PDZD7: variants seen among roughly 807,000 people sequenced by gnomAD.
PDZD7 encodes the protein PDZ domain containing 7, also known as PDZ domain-containing protein 7.
Under a neutral mutation model 84.7 loss-of-function variants are expected in PDZD7, and 72 were observed. The ratio of observed to expected loss-of-function variants is 0.85; its 90% CI spans 0.70 to 1.03. PDZD7 has a LOEUF of 1.03. Ranked by LOEUF, PDZD7 falls within the 50% of genes least tolerant of loss-of-function variation. The pLI is 0.00. For missense variants in PDZD7, 1,490 were observed against 1,412.9 expected (o/e 1.05, Z -0.87); for synonymous variants, 594 against 580.7 (o/e 1.02, Z -0.33).
chr10:101,023,845 T>A, intron 3 of PDZD7, 83 bp downstream of exon 3: 1 of 1,605,912 alleles, frequency 6.2e-7, no homozygotes, highest in Non-Finnish European at 8.5e-7. Context: ...CTTCCGTCTG[T>A]CCCTGACAGC....
At chr10:101,025,643 G>A (rs890396057) in intron 2 of PDZD7, among the ~76,000 whole-genome samples, 55 of 151,322 alleles carry the variant, frequency 3.6e-4, no homozygotes, top group Admixed American at 2.9e-3. Context: ...CACCTCCCAG[G>A]TTCACGCTAT....
chr10:101,021,616 G>A (rs1411177901), intron 6 of PDZD7, among the ~76,000 whole-genome samples, 182 bp downstream of exon 6: 6 of 152,304 alleles, frequency 3.9e-5, no homozygotes, highest in South Asian at 2.1e-4. Flanking sequence ...TGACCTGTTC[G>A]TGAGTTGCTG....
At chr10:101,029,967 AG>A in intron 2 of PDZD7, 26 bp downstream of exon 2, 2 of 788,012 alleles carry the variant, frequency 2.5e-6, no homozygotes, top group Non-Finnish European at 4.1e-6. Context: ...TCCCCAACCC[AG>A]GCCAGTGGCT....
intron 2 of PDZD7, among the ~76,000 whole-genome samples, chr10:101,024,833 ATATGTG>A (rs1288392195): frequency 2.3e-5 from 2 of 87,928 alleles, no homozygotes; most frequent in African/African-American, 1.3e-4. Flanking sequence ...TTCCTTCCTA[ATATGTG>A]TGTGTGTGTG....
In PDZD7 at chr10:101,015,609, AG is replaced by A. The variant is rs550469679; in HGVS notation, c.1749+26del. 304 of 1,541,974 alleles carry A rather than the reference AG, an allele frequency of 2.0e-4. 1 individual carries two copies. In the African/African-American group the frequency reaches 3.5e-3, roughly 18 times the overall value. On this transcript the variant is annotated intron_variant, in intron 11 of 16. Transcript: ENST00000619208. ...CTGGGTGACTGAAGGACCGTGTGCC[AG>A]GGCTGCGGATGGGATGAAGGCTTAC...
Position 101,008,320 on chromosome 10 carries a change from G to C in PDZD7, c.*147C>G. ...GCCTTAATGACAGCTGAGGAGGGAA[G>C]AAAGTGGAAAGATGTGAGCCACCAG... is the stretch of plus-strand genomic sequence containing the variant. On this transcript the variant is annotated 3_prime_UTR_variant, in exon 17 of 17. Coordinates refer to ENST00000619208, the MANE Select transcript of PDZD7 (RefSeq NM_001195263.2). The C allele has an allele frequency of 2.4e-6, 2 of 850,434 alleles. No homozygotes were observed. The highest frequency in any genetic ancestry group is 3.5e-6 in the Non-Finnish European group (2 of 566,350). 52.7% of individuals were successfully genotyped at this position (850,434 alleles called of 1,614,324 possible). A position where few individuals can be genotyped will look rare whatever the true frequency, so the allele number is the denominator to read the frequency against.
chr10:101,019,157 G>C lies in PDZD7; in HGVS notation c.989C>G (p.Ser330Trp), dbSNP rs776107619. The C allele has an allele frequency of 6.5e-6, 10 of 1,541,840 alleles. No individual in the cohort carries two copies. The South Asian group carries it at 1.1e-4, about 16-fold the overall frequency. The change falls in exon 8 of 17, where the codon TCG becomes TGG. Residue 330 changes from serine to tryptophan, a missense_variant. Ser to Trp is a radical substitution (Grantham distance 177). Coordinates refer to ENST00000619208, the MANE Select transcript of PDZD7 (RefSeq NM_001195263.2). ...PASESSSSVS[S>W]CASSAPYSSG... ...GCTGTAGGGGGCGCTGGAGGCGCAC[G>C]AAGAGACGCTGGAGCTGCTCTCAGA...
At chr10:101,015,574 GA>G in intron 11 of PDZD7, 61 bp downstream of exon 11, 1 of 1,501,044 alleles carries the variant, frequency 6.7e-7, no homozygotes, top group African/African-American at 1.4e-5. Context: ...TGGCCTGAAT[GA>G]ATGATGGGCT....
At chr10:101,026,157 C>T (rs575718776) in intron 2 of PDZD7, among the ~76,000 whole-genome samples, 4 of 150,652 alleles carry the variant, frequency 2.7e-5, no homozygotes, top group African/African-American at 4.9e-5. Context: ...TTTTTTGAGA[C>T]GGAATCTCGC....
At chr10:101,023,667 C>A (rs1853259657) in intron 3 of PDZD7, 57 bp from the exon 4 acceptor site, 7 of 1,589,776 alleles carry the variant, frequency 4.4e-6, no homozygotes, top group Admixed American at 3.4e-5. Context: ...CTGAGCCTCC[C>A]CCATCAGATG....
chr10:101,015,053 C>A (rs966204532), intron 11 of PDZD7, among the ~76,000 whole-genome samples: 1 of 152,190 alleles, frequency 6.6e-6, no homozygotes, highest in Admixed American at 6.5e-5. Flanking sequence ...CTCTCTCCAC[C>A]CTGGGGCGCT....
rs752659823 is a variant in PDZD7, at chr10:101,023,567, A to G, written c.411T>C (p.Asn137=). The change falls in exon 4 of 17, where the codon AAT becomes AAC. Residue 137 remains asparagine, a synonymous_variant. Coordinates refer to ENST00000619208, the MANE Select transcript of PDZD7 (RefSeq NM_001195263.2). ...LCVGDKITEV[N]GLSLESTTMG... is the part of the protein sequence containing the mutation. Reference sequence around the variant, plus strand: ...TGGTGGTGCTCTCCAGGCTCAGCCCATTCACCTCCGTGATCTTGTCCCCCA... The same window carrying G: ...TGGTGGTGCTCTCCAGGCTCAGCCCGTTCACCTCCGTGATCTTGTCCCCCA... The G allele has an allele frequency of 6.2e-7, 1 of 1,613,810 alleles. No individual in the cohort carries two copies. Among genetic ancestry groups the G allele is most frequent in the Non-Finnish European group, 8.5e-7 (1 of 1,180,020 alleles).
chr10:101,010,248 G>C (rs536909953), intron 15 of PDZD7, 24 bp downstream of exon 15: 1 of 1,502,666 alleles, frequency 6.7e-7, no homozygotes. Flanking sequence ...GTCCTCTGCC[G>C]GGCCCAGTCC....
chr10:101,017,497 G>C, intron 9 of PDZD7: 2 of 628,122 alleles, frequency 3.2e-6, no homozygotes, highest in Middle Eastern at 2.6e-4. Context: ...GAGTAGTTGG[G>C]ATTGGCCAGG....
chr10:101,019,775 AC>A (rs1852970935), intron 7 of PDZD7, among the ~76,000 whole-genome samples: 1 of 151,370 alleles, frequency 6.6e-6, no homozygotes, highest in South Asian at 2.1e-4. Flanking sequence ...ACAGGTGCCC[AC>A]CACCACACCC....
chr10:101,030,440 C>G, intron 1 of PDZD7, 56 bp from the exon 2 acceptor site: 1 of 666,068 alleles, frequency 1.5e-6, no homozygotes, highest in Non-Finnish European at 2.8e-6. Flanking sequence ...CTGCTGCCCC[C>G]TAAAACTTCC....
At position 101,007,965 on chromosome 10, in the gene PDZD7, G is replaced by A. The variant is rs1564820851; in HGVS notation, c.*502C>T. On this transcript the variant is annotated 3_prime_UTR_variant, in exon 17 of 17. Coordinates refer to ENST00000619208, the MANE Select transcript of PDZD7 (RefSeq NM_001195263.2). ...AGGTGATGGAGGAAGGACAAATCCAGTAGAATGTCTGAGGTCTTAGTGGAC... is the reference window on the plus strand; with the variant it reads ...AGGTGATGGAGGAAGGACAAATCCAATAGAATGTCTGAGGTCTTAGTGGAC... 2.9e-5 allele frequency: 4 copies of A among 136,576 alleles called. No individual in the cohort carries two copies. The South Asian group carries it at 9.1e-4, about 31-fold the overall frequency. 8.5% of individuals were successfully genotyped at this position (136,576 alleles called of 1,614,324 possible).
Position 101,019,066 on chromosome 10 carries a change from GC to G in PDZD7, c.1079del (p.Gly360AlafsTer79), listed in dbSNP as rs1211217005. 3 of 1,573,362 alleles carry G rather than the reference GC, an allele frequency of 1.9e-6. No individual in the cohort carries two copies. In the African/African-American group the frequency reaches 4.0e-5, roughly 21 times the overall value. ...CLGQEEPGSR[G>X]PGWGRADTAM... is the part of the protein sequence containing the mutation. ...CTGTGTCCGCCCGCCCCCAGCCTGG[GC>G]CGCGGCTGCCGGGCTCCTCCTGCCC... On this transcript the variant is annotated frameshift_variant, in exon 8 of 17. Transcript: ENST00000619208. LOFTEE classifies it high-confidence loss of function.
chr10:101,026,663 TCA>T (rs3051194), intron 2 of PDZD7, among the ~76,000 whole-genome samples: 11,828 of 123,648 alleles, frequency 0.096, 690 homozygotes, highest in African/African-American at 0.19. Context: ...CAGGGAGAAA[TCA>T]CACACACACA....
Sources: allele counts gnomAD v4.1 joint callset (sites outside exome capture counted in the v4.1 genomes callset), GRCh38; gene constraint gnomAD v4.1.1; transcripts MANE v1.5; gene names NCBI Gene and HGNC (gene_info 2026-07-23, HGNC 2026-07-21).